Variants in SDHAF3 observed in about 807,000 individuals in gnomAD.
The protein encoded by SDHAF3 is succinate dehydrogenase assembly factor 3, mitochondrial.
In SDHAF3, 18 loss-of-function variants were observed where a neutral mutation model predicts 11.5. The observed-to-expected ratio is 1.56, with a 90% CI of 1.08 to 2.32. The LOEUF (loss-of-function observed/expected upper bound fraction) is 2.32. Ranked by LOEUF, SDHAF3 falls within the 30% of genes most tolerant of loss-of-function variation. The pLI is 0.00. For missense variants in SDHAF3, 200 were observed against 154.4 expected (o/e 1.30, Z -1.57); for synonymous variants, 72 against 59.3 (o/e 1.21, Z -0.99).
At chr7:97,166,574 G>T (rs1562830326) in intron 1 of SDHAF3, among the ~76,000 whole-genome samples, 1 of 152,186 alleles carries the variant, frequency 6.6e-6, no homozygotes, top group Non-Finnish European at 1.5e-5. Context: ...AGTCTGTTCT[G>T]TTAGTTTTAA....
At chr7:97,121,535 A>T (rs1345171031) in intron 1 of SDHAF3, among the ~76,000 whole-genome samples, 1 of 152,196 alleles carries the variant, frequency 6.6e-6, no homozygotes, top group East Asian at 1.9e-4. Flanking sequence ...CATTTTTCAG[A>T]TAGTTTTGAT....
intron 1 of SDHAF3, among the ~76,000 whole-genome samples, chr7:97,150,079 A>G (rs1789194998): frequency 6.6e-6 from 1 of 152,224 alleles, no homozygotes; most frequent in African/African-American, 2.4e-5. Flanking sequence ...CAACTTTTAT[A>G]ATCAGATTAC....
chr7:97,176,473 G>A (rs1241178451), intron 1 of SDHAF3, among the ~76,000 whole-genome samples: 1 of 152,096 alleles, frequency 6.6e-6, no homozygotes, highest in East Asian at 1.9e-4. Flanking sequence ...TATGCTTGGC[G>A]GGGTGACTTA....
At chr7:97,154,216 CA>C (rs1789270117) in intron 1 of SDHAF3, among the ~76,000 whole-genome samples, 1 of 149,580 alleles carries the variant, frequency 6.7e-6, no homozygotes. Context: ...GGGGAGATTA[CA>C]AAGTACATTG....
chr7:97,154,108 AG>A (rs1264955587), intron 1 of SDHAF3, among the ~76,000 whole-genome samples: 1 of 150,740 alleles, frequency 6.6e-6, no homozygotes, highest in African/African-American at 2.4e-5. Flanking sequence ...TTTTGCAGGC[AG>A]GGGGTGGATC....
intron 1 of SDHAF3, among the ~76,000 whole-genome samples, chr7:97,169,106 A>C (rs1220343474): frequency 6.6e-6 from 1 of 152,194 alleles, no homozygotes; most frequent in Non-Finnish European, 1.5e-5. Flanking sequence ...CCGACGGATC[A>C]CTTGAGGTCA....
rs889833105 is a variant in SDHAF3 at position 97,181,216 on chromosome 7, T to G, written c.*1T>G. On this transcript the variant is annotated 3_prime_UTR_variant, in exon 2 of 2. Transcript: ENST00000432641. ...TGAGTCTATGAAACCAAAATTTTAG[T>G]CTATACAACAAAGCTTAATAAGACA... 2 of 1,609,708 alleles carry G rather than the reference T, an allele frequency of 1.2e-6. No homozygotes were observed. The highest frequency in any genetic ancestry group is 1.3e-5 in the African/African-American group (1 of 74,592).
intron 1 of SDHAF3, among the ~76,000 whole-genome samples, chr7:97,131,418 ATTG>A (rs975656283): frequency 8.5e-5 from 13 of 152,170 alleles, no homozygotes; most frequent in African/African-American, 3.1e-4. Context: ...TATTTGAAAG[ATTG>A]TTTTCAGTAA....
intron 1 of SDHAF3, among the ~76,000 whole-genome samples, chr7:97,123,152 C>T (rs1002493127): frequency 1.3e-5 from 2 of 152,068 alleles, no homozygotes; most frequent in East Asian, 1.9e-4. Flanking sequence ...TCTTTCCCCC[C>T]ACCCCCTGAA....
intron 1 of SDHAF3, among the ~76,000 whole-genome samples, chr7:97,180,178 A>G (rs1251980943): frequency 6.6e-6 from 1 of 152,226 alleles, no homozygotes; most frequent in Non-Finnish European, 1.5e-5. Context: ...AACATTGAAG[A>G]CTTAAAGGTT....
chr7:97,174,462 G>A (rs1789650942), intron 1 of SDHAF3, among the ~76,000 whole-genome samples: 1 of 152,180 alleles, frequency 6.6e-6, no homozygotes, highest in Non-Finnish European at 1.5e-5. Context: ...AGTATATTCA[G>A]TTTCACCAGC....
intron 1 of SDHAF3, among the ~76,000 whole-genome samples, chr7:97,135,895 G>A (rs1791759122): frequency 6.6e-6 from 1 of 151,350 alleles, no homozygotes; most frequent in Non-Finnish European, 1.5e-5. Flanking sequence ...CACCGTGTTA[G>A]CCAGGATGGT....
At chr7:97,138,793 A>G (rs962342219) in intron 1 of SDHAF3, among the ~76,000 whole-genome samples, 12 of 152,256 alleles carry the variant, frequency 7.9e-5, no homozygotes, top group Non-Finnish European at 1.3e-4. Flanking sequence ...ATGTTGACAC[A>G]GTATTTTTTT....
chr7:97,137,216 C>T (rs1281166909), intron 1 of SDHAF3, among the ~76,000 whole-genome samples: 1 of 152,084 alleles, frequency 6.6e-6, no homozygotes, highest in Non-Finnish European at 1.5e-5. Context: ...CATGATCTAA[C>T]ATACGTTCTG....
At chr7:97,153,918 T>TA (rs1789263625) in intron 1 of SDHAF3, among the ~76,000 whole-genome samples, 1 of 152,244 alleles carries the variant, frequency 6.6e-6, no homozygotes, top group Admixed American at 6.5e-5. Context: ...ATTCATGTTT[T>TA]CCTAATTGTC....
chr7:97,128,194 A>G (rs1791606026), intron 1 of SDHAF3, among the ~76,000 whole-genome samples: 1 of 152,122 alleles, frequency 6.6e-6, no homozygotes. Flanking sequence ...TTTTAACCAT[A>G]CTGTGGTCCT....
chr7:97,177,806 A>G (rs2115753892), intron 1 of SDHAF3, among the ~76,000 whole-genome samples: 1 of 152,290 alleles, frequency 6.6e-6, no homozygotes, highest in Middle Eastern at 3.4e-3. Context: ...GCTGAGATTT[A>G]TCTGCCCCAT....
chr7:97,144,443 T>G (rs903893455), intron 1 of SDHAF3, among the ~76,000 whole-genome samples: 2 of 152,250 alleles, frequency 1.3e-5, no homozygotes, highest in African/African-American at 4.8e-5. Flanking sequence ...TTTTATAGTT[T>G]CAGGTCTTAG....
intron 1 of SDHAF3, among the ~76,000 whole-genome samples, chr7:97,130,576 G>A (rs536067803): frequency 3.2e-4 from 49 of 152,300 alleles, no homozygotes; most frequent in Non-Finnish European, 6.8e-4. Context: ...TCTGGCCTGT[G>A]GCTCTTGGGC....
Sources: gnomAD v4.1 joint callset for allele counts (sites outside exome capture counted in the v4.1 genomes callset) on GRCh38, gnomAD v4.1.1 for gene constraint, MANE v1.5 for transcripts, NCBI Gene and HGNC (gene_info 2026-07-23, HGNC 2026-07-21) for gene names.